CNTNAP2: variants seen among roughly 807,000 people sequenced by gnomAD.
The protein encoded by CNTNAP2 is contactin-associated protein-like 2.
In CNTNAP2, 98 loss-of-function variants were observed where a neutral mutation model predicts 155.2. The observed-to-expected ratio is 0.63, with a 90% confidence interval of 0.54 to 0.75. The LOEUF (loss-of-function observed/expected upper bound fraction) is 0.75. Among genes scored for constraint, CNTNAP2 ranks in the 30% least tolerant of loss-of-function variants. The pLI, the probability that CNTNAP2 is intolerant of heterozygous loss-of-function variation, is 0.00. For synonymous variants in CNTNAP2, 651 were observed against 631.2 expected (o/e 1.03, Z -0.47); for missense variants, 1,727 against 1,688.1 (o/e 1.02, Z -0.40).
intron 10 of CNTNAP2, among the ~76,000 whole-genome samples, chr7:147,436,864 G>A (rs902795410): frequency 2.0e-5 from 3 of 152,160 alleles, no homozygotes; most frequent in African/African-American, 7.2e-5. Flanking sequence ...ATTTCAAAGT[G>A]ATGGCTCCTG....
intron 20 of CNTNAP2, chr7:148,263,086 C>G (rs1796591994): frequency 6.6e-6 from 1 of 152,200 alleles, no homozygotes; most frequent in Admixed American, 6.5e-5. Context: ...CGTAAGGACG[C>G]CTTGCTCGTG....
chr7:147,832,737 TTA>T (rs1217834020), intron 13 of CNTNAP2, among the ~76,000 whole-genome samples: 1 of 147,124 alleles, frequency 6.8e-6, no homozygotes, highest in Non-Finnish European at 1.5e-5. Flanking sequence ...AATAAATATT[TTA>T]TAATTTAATG....
At chr7:146,975,023 C>A (rs1037546846) in intron 3 of CNTNAP2, among the ~76,000 whole-genome samples, 1 of 152,026 alleles carries the variant, frequency 6.6e-6, no homozygotes, top group Admixed American at 6.6e-5. Flanking sequence ...ACCAGGTATA[C>A]GTATATTAAC....
chr7:146,380,873 C>A (rs1416153212), intron 1 of CNTNAP2, among the ~76,000 whole-genome samples: 1 of 129,542 alleles, frequency 7.7e-6, no homozygotes. Context: ...TCTCGGCTCA[C>A]TGCAGGCTCC....
chr7:147,998,552 A>T (rs1331552618), intron 15 of CNTNAP2, among the ~76,000 whole-genome samples: 1 of 152,192 alleles, frequency 6.6e-6, no homozygotes, highest in African/African-American at 2.4e-5. Context: ...CATCTCTTTA[A>T]AAGGAAACAC....
chr7:146,518,287 T>C (rs1259444350), intron 1 of CNTNAP2, among the ~76,000 whole-genome samples: 4 of 151,712 alleles, frequency 2.6e-5, no homozygotes, highest in Admixed American at 2.0e-4. Context: ...AGGAATCAGA[T>C]GATATTTGAT....
intron 1 of CNTNAP2, among the ~76,000 whole-genome samples, chr7:146,458,608 C>T (rs1195567641): frequency 6.6e-6 from 1 of 152,080 alleles, no homozygotes; most frequent in Non-Finnish European, 1.5e-5. Flanking sequence ...CTATGTAAAA[C>T]CTGATTCATT....
At chr7:147,250,440 C>T (rs1039089710) in intron 8 of CNTNAP2, among the ~76,000 whole-genome samples, 6 of 152,046 alleles carry the variant, frequency 3.9e-5, no homozygotes, top group African/African-American at 1.2e-4. Flanking sequence ...GCGTGAGGAT[C>T]GAATTTTTAC....
intron 21 of CNTNAP2, among the ~76,000 whole-genome samples, chr7:148,313,648 T>C (rs1797635612): frequency 6.6e-6 from 1 of 152,158 alleles, no homozygotes; most frequent in South Asian, 2.1e-4. Flanking sequence ...CAGAAATACA[T>C]TGCTACTTGG....
At chr7:147,421,362 A>G (rs1797287703) in intron 10 of CNTNAP2, among the ~76,000 whole-genome samples, 1 of 152,144 alleles carries the variant, frequency 6.6e-6, no homozygotes, top group Admixed American at 6.6e-5. Context: ...TAGATGGTAG[A>G]CATTGTAGAG....
chr7:147,478,168 T>C (rs7805297), intron 10 of CNTNAP2, among the ~76,000 whole-genome samples: 3 of 150,984 alleles, frequency 2.0e-5, no homozygotes, highest in East Asian at 2.0e-4. Flanking sequence ...TTTTGGGTGG[T>C]GGGGGAGGGA....
chr7:147,205,317 T>A (rs1427216144), intron 8 of CNTNAP2, among the ~76,000 whole-genome samples: 1 of 152,156 alleles, frequency 6.6e-6, no homozygotes, highest in African/African-American at 2.4e-5. Flanking sequence ...TTGTTCTTTT[T>A]GCTCAGGGTT....
chr7:147,159,916 T>C (rs1253786464), intron 8 of CNTNAP2, among the ~76,000 whole-genome samples: 2 of 151,424 alleles, frequency 1.3e-5, no homozygotes, highest in Non-Finnish European at 2.9e-5. Context: ...AATCATACTT[T>C]TTTATATGAT....
At chr7:146,906,037 G>T (rs1364979820) in intron 3 of CNTNAP2, among the ~76,000 whole-genome samples, 2 of 152,230 alleles carry the variant, frequency 1.3e-5, no homozygotes, top group Non-Finnish European at 2.9e-5. Context: ...AAAGAAAGGG[G>T]TGACGGACGC....
intron 1 of CNTNAP2, among the ~76,000 whole-genome samples, chr7:146,532,005 G>A (rs1368000415): frequency 1.3e-5 from 2 of 151,742 alleles, no homozygotes; most frequent in Non-Finnish European, 2.9e-5. Flanking sequence ...AGTATTGGCA[G>A]TTTCCATTAA....
chr7:146,662,535 G>C (rs1044847512), intron 1 of CNTNAP2, among the ~76,000 whole-genome samples: 6 of 151,898 alleles, frequency 4.0e-5, no homozygotes, highest in African/African-American at 1.5e-4. Context: ...TAATTATATA[G>C]GTTTTTTTGC....
intron 1 of CNTNAP2, among the ~76,000 whole-genome samples, chr7:146,506,321 G>GTA (rs1343381790): frequency 5.3e-5 from 8 of 152,208 alleles, no homozygotes; most frequent in Admixed American, 1.3e-4. Flanking sequence ...TTGGGCAGCT[G>GTA]TCTCTGTCTG....
At chr7:147,282,540 A>T (rs532553891) in intron 8 of CNTNAP2, among the ~76,000 whole-genome samples, 3 of 151,852 alleles carry the variant, frequency 2.0e-5, no homozygotes, top group Non-Finnish European at 4.4e-5. Context: ...AGTCTAAGGC[A>T]TACAGAGATG....
At chr7:147,940,225 A>C (rs1051136259) in intron 14 of CNTNAP2, 2 of 146,552 alleles carry the variant, frequency 1.4e-5, no homozygotes, top group African/African-American at 2.5e-5. Context: ...CAAAATTTCC[A>C]TTCTGATCGG....
Sources: allele counts gnomAD v4.1 joint callset (sites outside exome capture counted in the v4.1 genomes callset), GRCh38; gene constraint gnomAD v4.1.1; transcripts MANE v1.5; gene names NCBI Gene and HGNC (gene_info 2026-07-23, HGNC 2026-07-21).